Variants in CHST9 observed in about 807,000 individuals in gnomAD.
CHST9 encodes the protein GalNAc-4-sulfotransferase 2.
Under a neutral mutation model 44.4 loss-of-function variants are expected in CHST9, and 41 were observed. The ratio of observed to expected loss-of-function variants is 0.92; its 90% CI spans 0.72 to 1.20. CHST9 has a LOEUF of 1.20. CHST9 is among the 50% of genes most tolerant of loss of function. CHST9 has a pLI of 0.00. For missense variants in CHST9, 504 were observed against 516.5 expected (o/e 0.98, Z 0.23); for synonymous variants, 171 against 178.4 (o/e 0.96, Z 0.33).
chr18:26,976,848 G>A (rs1196680117), intron 4 of CHST9, among the ~76,000 whole-genome samples: 2 of 152,044 alleles, frequency 1.3e-5, no homozygotes, highest in Non-Finnish European at 2.9e-5. Context: ...TCAGAGTTTA[G>A]TAGAAGGAAA....
At chr18:26,957,771 G>A (rs2056345404) in intron 4 of CHST9, among the ~76,000 whole-genome samples, 1 of 152,104 alleles carries the variant, frequency 6.6e-6, no homozygotes, top group African/African-American at 2.4e-5. Context: ...GAACAGGCAG[G>A]TATGTATGCA....
chr18:27,147,444 C>T (rs928845073), intron 1 of CHST9, among the ~76,000 whole-genome samples: 6 of 152,062 alleles, frequency 3.9e-5, no homozygotes, highest in Admixed American at 2.6e-4. Flanking sequence ...GGCAGTTTAG[C>T]AGAAAAGAAA....
At chr18:27,028,713 A>G (rs1330722780) in intron 3 of CHST9, among the ~76,000 whole-genome samples, 1 of 151,922 alleles carries the variant, frequency 6.6e-6, no homozygotes, top group East Asian at 1.9e-4. Context: ...AGGCCCGGCT[A>G]CTTTTTTTGT....
chr18:27,168,969 T>C (rs1298783197), intron 1 of CHST9, among the ~76,000 whole-genome samples: 2 of 152,182 alleles, frequency 1.3e-5, no homozygotes, highest in Non-Finnish European at 2.9e-5. Flanking sequence ...AGCAAAAAAC[T>C]ACATCTTGAA....
intron 4 of CHST9, among the ~76,000 whole-genome samples, chr18:27,001,430 T>C (rs911491214): frequency 6.6e-6 from 1 of 152,152 alleles, no homozygotes; most frequent in African/African-American, 2.4e-5. Flanking sequence ...TATAAAGAAG[T>C]TTGTTTTGCA....
chr18:27,144,408 G>GT (rs2058595128), intron 1 of CHST9, among the ~76,000 whole-genome samples: 1 of 152,198 alleles, frequency 6.6e-6, no homozygotes, highest in Non-Finnish European at 1.5e-5. Context: ...GGCTGGCGAG[G>GT]TGGCTCATGC....
chr18:27,026,758 G>C (rs925118640), intron 3 of CHST9, among the ~76,000 whole-genome samples: 7 of 152,154 alleles, frequency 4.6e-5, no homozygotes, highest in African/African-American at 1.7e-4. Context: ...TTCACAAACA[G>C]AAATTAATTG....
At chr18:27,074,816 TATA>T (rs573999464) in intron 2 of CHST9, among the ~76,000 whole-genome samples, 402 of 148,088 alleles carry the variant, frequency 2.7e-3, no homozygotes, top group African/African-American at 9.1e-3. Context: ...TTAACTTATA[TATA>T]ATTATAAAAT....
intron 4 of CHST9, among the ~76,000 whole-genome samples, chr18:27,012,441 T>C (rs2057096499): frequency 6.6e-6 from 1 of 152,134 alleles, no homozygotes; most frequent in African/African-American, 2.4e-5. Context: ...GAAGTGGATC[T>C]CATAAAGATC....
chr18:27,131,116 G>A (rs894634437), intron 2 of CHST9, among the ~76,000 whole-genome samples: 1 of 152,166 alleles, frequency 6.6e-6, no homozygotes, highest in African/African-American at 2.4e-5. Context: ...ACTACTAACT[G>A]GAGCATTAAC....
At chr18:26,969,414 A>C (rs2056512533) in intron 4 of CHST9, among the ~76,000 whole-genome samples, 1 of 147,968 alleles carries the variant, frequency 6.8e-6, no homozygotes, top group Non-Finnish European at 1.5e-5. Flanking sequence ...GTTAAGCCCT[A>C]ATAATAAAAG....
At chr18:27,141,132 G>T (rs762675126) in intron 2 of CHST9, among the ~76,000 whole-genome samples, 2 of 152,144 alleles carry the variant, frequency 1.3e-5, no homozygotes, top group Non-Finnish European at 2.9e-5. Context: ...GCCTAGGCGA[G>T]TGGATCACGA....
intron 2 of CHST9, among the ~76,000 whole-genome samples, chr18:27,050,257 A>G (rs2057549902): frequency 6.6e-6 from 1 of 152,164 alleles, no homozygotes; most frequent in East Asian, 1.9e-4. Context: ...AAGCCAACTA[A>G]AGGTTTTTGC....
intron 2 of CHST9, among the ~76,000 whole-genome samples, chr18:27,119,961 T>C (rs2058360852): frequency 6.6e-6 from 1 of 152,098 alleles, no homozygotes; most frequent in African/African-American, 2.4e-5. Flanking sequence ...AGTAAATTAA[T>C]GATTGCAAAG....
intron 4 of CHST9, among the ~76,000 whole-genome samples, chr18:26,981,583 C>T (rs543047907): frequency 6.6e-6 from 1 of 152,166 alleles, no homozygotes; most frequent in Non-Finnish European, 1.5e-5. Flanking sequence ...CCCATAAACA[C>T]GAACTCATTT....
chr18:27,142,578 G>T, intron 2 of CHST9, 111 bp downstream of exon 2: 2 of 754,700 alleles, frequency 2.7e-6, no homozygotes, highest in Non-Finnish European at 3.7e-6. Context: ...CTCATTTTTT[G>T]TTGTTGAAAA....
intron 2 of CHST9, among the ~76,000 whole-genome samples, chr18:27,113,944 G>C (rs535624722): frequency 1.9e-4 from 29 of 152,122 alleles, no homozygotes; most frequent in Non-Finnish European, 3.2e-4. Context: ...GTCTTAATTA[G>C]ATTATACACA....
chr18:26,994,245 A>G (rs2056858682), intron 4 of CHST9, among the ~76,000 whole-genome samples: 1 of 152,232 alleles, frequency 6.6e-6, no homozygotes, highest in Non-Finnish European at 1.5e-5. Flanking sequence ...GATTTTACAC[A>G]TCAATGTATA....
At chr18:27,028,147 C>T (rs989460045) in intron 3 of CHST9, among the ~76,000 whole-genome samples, 1 of 152,166 alleles carries the variant, frequency 6.6e-6, no homozygotes, top group East Asian at 1.9e-4. Context: ...AACTCTTGAC[C>T]TTGTGATCTG....
Sources: allele counts gnomAD v4.1 joint callset (sites outside exome capture counted in the v4.1 genomes callset), GRCh38; gene constraint gnomAD v4.1.1; transcripts MANE v1.5; gene names NCBI Gene and HGNC (gene_info 2026-07-23, HGNC 2026-07-21).